The following PRKAG2 variants were observed in gnomAD, a reference collection of about 807,000 sequenced individuals.
The protein encoded by PRKAG2 is 5'-AMP-activated protein kinase subunit gamma-2.
A neutral mutation model predicts 69.6 loss-of-function variants in PRKAG2; 26 were observed. That is an observed-to-expected ratio of 0.37 (90% CI 0.27 to 0.52). The LOEUF is 0.52. PRKAG2 is among the 20% of genes least tolerant of loss of function. The probability of loss-of-function intolerance (pLI) is 0.90; values close to 1 mark genes in which losing one functional copy is unlikely to be tolerated. For missense variants in PRKAG2, 557 were observed against 740.0 expected, an observed-to-expected ratio of 0.75 and a Z score of 2.87; for synonymous variants, 293 against 285.0, an observed-to-expected ratio of 1.03 and a Z score of -0.28.
At chr7:151,782,773 A>C (rs1044921450) in intron 2 of PRKAG2, among the ~76,000 whole-genome samples, 5 of 152,224 alleles carry the variant, frequency 3.3e-5, no homozygotes, top group African/African-American at 9.6e-5. Context: ...CTTGAACGTC[A>C]GATGAAGCCG....
intron 4 of PRKAG2, among the ~76,000 whole-genome samples, chr7:151,673,391 C>T (rs184436144): frequency 1.3e-5 from 2 of 152,274 alleles, no homozygotes; most frequent in East Asian, 3.9e-4. Flanking sequence ...TGCCTTGAAG[C>T]TGTCATTGCC....
chr7:151,670,401 A>G (rs1831822726), intron 4 of PRKAG2, among the ~76,000 whole-genome samples: 1 of 152,142 alleles, frequency 6.6e-6, no homozygotes, highest in Non-Finnish European at 1.5e-5. Flanking sequence ...TTCTACCTTC[A>G]GCTGCAACCT....
chr7:151,783,517 C>T (rs2076838572), intron 2 of PRKAG2, among the ~76,000 whole-genome samples: 1 of 150,734 alleles, frequency 6.6e-6, no homozygotes, highest in Admixed American at 6.6e-5. Flanking sequence ...TTTTTTTGAC[C>T]ATTTAATATG....
intron 3 of PRKAG2, among the ~76,000 whole-genome samples, chr7:151,764,190 A>G (rs1448449235): frequency 6.6e-6 from 1 of 152,154 alleles, no homozygotes; most frequent in Non-Finnish European, 1.5e-5. Context: ...TGACATAATA[A>G]AAGTGGTGAT....
chr7:151,640,506 A>G (rs1236619369), intron 4 of PRKAG2, among the ~76,000 whole-genome samples: 1 of 151,196 alleles, frequency 6.6e-6, no homozygotes, highest in East Asian at 1.9e-4. Flanking sequence ...TAGACCATAC[A>G]CTCCCTGCTG....
At chr7:151,641,232 CCTT>C (rs907973066) in intron 4 of PRKAG2, among the ~76,000 whole-genome samples, 6 of 145,416 alleles carry the variant, frequency 4.1e-5, no homozygotes, top group East Asian at 4.3e-4. Flanking sequence ...TTTTTTGTTC[CCTT>C]CTTTTTTCCT....
At chr7:151,774,392 C>T (rs2076233673) in intron 3 of PRKAG2, among the ~76,000 whole-genome samples, 1 of 152,200 alleles carries the variant, frequency 6.6e-6, no homozygotes, top group South Asian at 2.1e-4. Context: ...TGTGTTCCCC[C>T]TCCTGTCTTA....
chr7:151,580,115 G>C (rs1004685164), intron 6 of PRKAG2, among the ~76,000 whole-genome samples: 1 of 152,154 alleles, frequency 6.6e-6, no homozygotes, highest in Non-Finnish European at 1.5e-5. Context: ...AGGCCAAGGT[G>C]GGGGGATCAC....
At chr7:151,842,822 G>C (rs1039746896) in intron 1 of PRKAG2, among the ~76,000 whole-genome samples, 12 of 151,838 alleles carry the variant, frequency 7.9e-5, no homozygotes, top group Non-Finnish European at 1.5e-4. Context: ...GTGAAGCAGA[G>C]GAGGCTTCAC....
At chr7:151,865,880 T>C (rs865925758) in intron 1 of PRKAG2, among the ~76,000 whole-genome samples, 47 of 151,214 alleles carry the variant, frequency 3.1e-4, no homozygotes, top group Admixed American at 7.2e-4. Context: ...ATTAGCTGGG[T>C]GTGGTGGCGG....
rs1269685126 is a variant in PRKAG2, at chr7:151,632,414, G to A, written c.685-276C>T. The A allele has an allele frequency of 5.8e-6, 3 of 519,356 alleles. No homozygotes were observed. The highest frequency in any genetic ancestry group is 1.5e-4 in the East Asian group (1 of 6,730). The allele number at this position is 519,356 out of a possible 1,614,324, so 32.2% of individuals were successfully genotyped here. The stretch of plus-strand genomic sequence containing the variant: ...TCCCCCCCGCGCCTTGGTACGGCCC[G>A]CCCGGGAGGAAGCGTGGGAAGGGAC... On this transcript the variant is annotated intron_variant, in intron 4 of 15. Transcript: ENST00000287878. This position sits in a 1 kb window ranked among gnomAD's most constrained non-coding sequence, Gnocchi z 4.2.
intron 5 of PRKAG2, among the ~76,000 whole-genome samples, chr7:151,604,536 G>A (rs998346567): frequency 6.6e-6 from 1 of 152,110 alleles, no homozygotes; most frequent in South Asian, 2.1e-4. Flanking sequence ...CTACTCAGGA[G>A]GCTGAGGTGG....
intron 4 of PRKAG2, among the ~76,000 whole-genome samples, chr7:151,656,046 C>CA (rs1829359244): frequency 6.6e-6 from 1 of 152,136 alleles, no homozygotes; most frequent in Non-Finnish European, 1.5e-5. Flanking sequence ...TATCAGTAAA[C>CA]AAAAACTCAG....
At chr7:151,592,346 A>G (rs1294026651) in intron 6 of PRKAG2, among the ~76,000 whole-genome samples, 1 of 152,218 alleles carries the variant, frequency 6.6e-6, no homozygotes, top group African/African-American at 2.4e-5. Flanking sequence ...TGGCCAGGAC[A>G]TATCTACATG....
chr7:151,774,317 C>T (rs1476044188), intron 3 of PRKAG2, among the ~76,000 whole-genome samples: 2 of 152,146 alleles, frequency 1.3e-5, no homozygotes, highest in Non-Finnish European at 2.9e-5. Flanking sequence ...GCAAAAAACA[C>T]CAGCCAGCCT....
chr7:151,633,953 G>A (rs545435753), intron 4 of PRKAG2, among the ~76,000 whole-genome samples: 7 of 152,052 alleles, frequency 4.6e-5, no homozygotes, highest in African/African-American at 7.2e-5. Flanking sequence ...TTTTTGAGAC[G>A]GAGTCTCGCT....
Position 151,807,564 on chromosome 7 carries a change from C to A in PRKAG2, c.115-21023G>T. Reference sequence around the variant, plus strand: ...CAGCACTGCGCCTTCCAGAACCCAGCGTAGATGCACAGCTGCCACGGAGGT... The same window carrying A: ...CAGCACTGCGCCTTCCAGAACCCAGAGTAGATGCACAGCTGCCACGGAGGT... On this transcript the variant is annotated intron_variant, in intron 1 of 15. Transcript: ENST00000287878. This position sits in a 1 kb window ranked among gnomAD's most constrained non-coding sequence, Gnocchi z 4.4. The A allele has an allele frequency of 4.4e-6, 2 of 457,842 alleles. No homozygotes were observed. Among genetic ancestry groups the A allele is most frequent in the South Asian group, 3.1e-5 (2 of 64,570 alleles). The allele number at this position is 457,842 out of a possible 1,614,324, so 28.4% of individuals were successfully genotyped here. A position where few individuals can be genotyped will look rare whatever the true frequency, so the allele number is the denominator to read the frequency against.
intron 1 of PRKAG2, among the ~76,000 whole-genome samples, chr7:151,817,240 G>A (rs2078667597): frequency 6.6e-6 from 1 of 152,180 alleles, no homozygotes; most frequent in South Asian, 2.1e-4. Context: ...ACTTAGCAAA[G>A]CCTGAAGACC....
chr7:151,672,330 C>T (rs533112897), intron 4 of PRKAG2, among the ~76,000 whole-genome samples: 4 of 150,696 alleles, frequency 2.7e-5, no homozygotes, highest in Non-Finnish European at 5.9e-5. Flanking sequence ...CTCGATCTCT[C>T]GTGATCCACC....
Sources: allele counts gnomAD v4.1 joint callset (sites outside exome capture counted in the v4.1 genomes callset), GRCh38; gene constraint gnomAD v4.1.1; non-coding constraint Gnocchi (gnomAD v3.1); transcripts MANE v1.5; gene names NCBI Gene and HGNC (gene_info 2026-07-23, HGNC 2026-07-21).